Variants in PLPPR5 observed in about 807,000 individuals in gnomAD.
PLPPR5 encodes phospholipid phosphatase related 5.
A neutral mutation model predicts 33.9 loss-of-function variants in PLPPR5; 16 were observed. The ratio of observed to expected loss-of-function variants is 0.47; its 90% confidence interval spans 0.32 to 0.72. The LOEUF (loss-of-function observed/expected upper bound fraction) is 0.72, where lower values mean the gene tolerates loss of function less well. Among genes scored for constraint, PLPPR5 ranks in the 30% least tolerant of loss-of-function variants. The pLI is 0.03. For missense variants in PLPPR5, 301 were observed against 406.7 expected, an observed-to-expected ratio of 0.74 and a Z score of 2.23; for synonymous variants, 163 against 150.3, an observed-to-expected ratio of 1.08 and a Z score of -0.62.
At chr1:98,942,294 T>C (rs1278683422) in intron 3 of PLPPR5, among the ~76,000 whole-genome samples, 2 of 152,146 alleles carry the variant, frequency 1.3e-5, no homozygotes, top group Non-Finnish European at 2.9e-5. Context: ...CTGCCCGCCT[T>C]GGCCTCCCAA....
At chr1:98,940,082 T>C (rs1650318331) in intron 3 of PLPPR5, among the ~76,000 whole-genome samples, 1 of 151,564 alleles carries the variant, frequency 6.6e-6, no homozygotes, top group Non-Finnish European at 1.5e-5. Context: ...TCACATGAAG[T>C]GAGAGAGGGC....
intron 1 of PLPPR5, among the ~76,000 whole-genome samples, chr1:98,999,291 T>C (rs1652742058): frequency 6.6e-6 from 1 of 152,230 alleles, no homozygotes; most frequent in African/African-American, 2.4e-5. Context: ...GTTAACCCAT[T>C]TCATACTCAG....
intron 3 of PLPPR5, among the ~76,000 whole-genome samples, chr1:98,942,228 C>T (rs1650401024): frequency 6.6e-6 from 1 of 152,082 alleles, no homozygotes; most frequent in African/African-American, 2.4e-5. Flanking sequence ...TGCACCACTG[C>T]CTGGTTAATA....
rs59686592 is a variant in PLPPR5 at position 99,003,056 on chromosome 1, C to CATATATATAT, written c.237+1369_237+1378dup. Among the ~76,000 whole-genome samples, 109 of 81,110 alleles carry CATATATATAT rather than the reference C, an allele frequency of 1.3e-3. 1 individual carries two copies. The highest frequency in any genetic ancestry group is 1.6e-3 in the Non-Finnish European group (71 of 44,672). 53.2% of individuals were successfully genotyped at this position (81,110 alleles called of 152,430 possible). A position where few individuals can be genotyped will look rare whatever the true frequency, so the allele number is the denominator to read the frequency against. Reference sequence around the variant, plus strand: ...TAACACATTTTAGCAACTTATTTTACATATATATATATATATATATATATA... The same window carrying CATATATATAT: ...TAACACATTTTAGCAACTTATTTTACATATATATATATATATATATATATATATATATATA... On this transcript the variant is annotated intron_variant, in intron 1 of 5. Transcript: ENST00000263177.
At chr1:98,931,387 C>T (rs1649959018) in intron 3 of PLPPR5, among the ~76,000 whole-genome samples, 1 of 152,092 alleles carries the variant, frequency 6.6e-6, no homozygotes, top group Non-Finnish European at 1.5e-5. Context: ...AATTCCATGA[C>T]ATTGGTACTC....
At chr1:98,928,901 G>A (rs1048368342) in intron 3 of PLPPR5, among the ~76,000 whole-genome samples, 5 of 151,898 alleles carry the variant, frequency 3.3e-5, no homozygotes, top group Admixed American at 6.6e-5. Flanking sequence ...GGTTTTCTAA[G>A]TTAAACTAAT....
intron 3 of PLPPR5, among the ~76,000 whole-genome samples, chr1:98,928,447 C>T (rs547774047): frequency 6.7e-6 from 1 of 150,316 alleles, no homozygotes; most frequent in African/African-American, 2.4e-5. Context: ...TATATTGATA[C>T]ACGTTGAAAT....
chr1:98,979,916 G>A (rs898748167), intron 1 of PLPPR5, among the ~76,000 whole-genome samples: 4 of 151,896 alleles, frequency 2.6e-5, no homozygotes, highest in Admixed American at 2.0e-4. Flanking sequence ...CCTCATATCC[G>A]TAACTCTGGC....
rs80286587 is a variant in PLPPR5 at position 98,927,686 on chromosome 1, C to G, written c.622-5628G>C. On this transcript the variant is annotated intron_variant, in intron 3 of 5. Coordinates refer to ENST00000263177, the MANE Select transcript of PLPPR5 (RefSeq NM_001037317.2). ...TTCTACTTTCTGTTATCTCCACAAC[C>G]TCTCTGGAGTTTCTGTTATCCAGTG... Among the ~76,000 whole-genome samples the G allele has an allele frequency of 3.9e-3, 595 of 152,290 alleles. 2 individuals are homozygous for G. Among genetic ancestry groups the G allele is most frequent in the Non-Finnish European group, 5.9e-3 (399 of 68,024 alleles).
chr1:98,971,849 C>T (rs970492556), intron 1 of PLPPR5, among the ~76,000 whole-genome samples: 16 of 152,168 alleles, frequency 1.1e-4, no homozygotes, highest in East Asian at 1.9e-4. Context: ...CTGACCCCTT[C>T]ATTGTGATGA....
chr1:99,002,471 T>G (rs1306055218), intron 1 of PLPPR5, among the ~76,000 whole-genome samples: 1 of 152,212 alleles, frequency 6.6e-6, no homozygotes. Flanking sequence ...ACCTTTTTTT[T>G]TGTTTTCAGA....
In PLPPR5 at chr1:98,978,004, C is replaced by T. The variant is rs1243892505; in HGVS notation, c.238-21263G>A. ...TCTGGTGGTATAGCTATGAAATAATCATGAATGTGACTTTAGATAAAAGTC... is the reference window on the plus strand; with the variant it reads ...TCTGGTGGTATAGCTATGAAATAATTATGAATGTGACTTTAGATAAAAGTC... On this transcript the variant is annotated intron_variant, in intron 1 of 5. Transcript: ENST00000263177. Among the ~76,000 whole-genome samples, 5 of 151,952 alleles carry T rather than the reference C, an allele frequency of 3.3e-5. No individual in the cohort carries two copies. The East Asian group carries it at 9.7e-4, about 30-fold the overall frequency.
intron 2 of PLPPR5, among the ~76,000 whole-genome samples, chr1:98,955,409 A>G (rs567269367): frequency 6.6e-6 from 1 of 152,250 alleles, no homozygotes; most frequent in South Asian, 2.1e-4. Context: ...AATTCTAAGC[A>G]TATTGTTGCA....
chr1:98,931,577 G>T (rs6661683), intron 3 of PLPPR5, among the ~76,000 whole-genome samples: 3,522 of 152,198 alleles, frequency 0.023, 131 homozygotes, highest in African/African-American at 0.08. Context: ...TCAGCCTTGG[G>T]GAGGAAGGCG....
intron 5 of PLPPR5, among the ~76,000 whole-genome samples, chr1:98,895,535 C>T (rs1375854046): frequency 6.6e-6 from 1 of 152,008 alleles, no homozygotes; most frequent in Non-Finnish European, 1.5e-5. Context: ...TCACATGCTT[C>T]AGTGATCACT....
intron 1 of PLPPR5, among the ~76,000 whole-genome samples, chr1:98,967,702 G>GTGAGGTTATTGTTATAACATTCATAGAAA (rs1163934414): frequency 1.3e-5 from 2 of 152,038 alleles, no homozygotes; most frequent in African/African-American, 4.8e-5. Context: ...TGGGGCTGTT[G>GTGAGGTTATTGTTATAACATTCATAGAAA]TGAGGTTATT....
chr1:98,953,463 T>C, intron 2 of PLPPR5, 143 bp from the exon 3 acceptor site: 11 of 1,270,048 alleles, frequency 8.7e-6, no homozygotes, highest in Non-Finnish European at 7.4e-6. Context: ...TGCATATACA[T>C]AGTTCCTTTT....
At chr1:98,921,696 G>A (rs1163834976) in intron 4 of PLPPR5, among the ~76,000 whole-genome samples, 186 bp downstream of exon 4, 1 of 151,990 alleles carries the variant, frequency 6.6e-6, no homozygotes, top group Non-Finnish European at 1.5e-5. Flanking sequence ...AACCTGACTT[G>A]TGGCAGAACA....
chr1:98,950,792 T>C (rs1650753036), intron 3 of PLPPR5, among the ~76,000 whole-genome samples: 1 of 152,158 alleles, frequency 6.6e-6, no homozygotes, highest in African/African-American at 2.4e-5. Context: ...CAAGAGATTC[T>C]CCCGTCTTGG....
Sources: allele counts gnomAD v4.1 joint callset (sites outside exome capture counted in the v4.1 genomes callset), GRCh38; gene constraint gnomAD v4.1.1; transcripts MANE v1.5; gene names NCBI Gene and HGNC (gene_info 2026-07-23, HGNC 2026-07-21).